WWC2: variants seen among roughly 807,000 people sequenced by gnomAD.
WWC2 encodes the protein WW and C2 domain containing 2, also known as protein WWC2.
In WWC2, 101 loss-of-function variants were observed where a neutral mutation model predicts 138.5. That is an observed-to-expected ratio of 0.73 (90% CI 0.62 to 0.86). WWC2 has a LOEUF of 0.86. Ranked by LOEUF, WWC2 falls within the 40% of genes least tolerant of loss-of-function variation. The pLI is 0.00. For synonymous variants in WWC2, 558 were observed against 538.4 expected (o/e 1.04, Z -0.50); for missense variants, 1,420 against 1,419.4 (o/e 1.00, Z -0.01).
At chr4:183,168,547 G>A (rs1230046809) in intron 1 of WWC2, among the ~76,000 whole-genome samples, 1 of 152,090 alleles carries the variant, frequency 6.6e-6, no homozygotes, top group Admixed American at 6.5e-5. Context: ...GGTTTCTTGT[G>A]CAGCGGGTAT....
In WWC2 at chr4:183,147,270, A is replaced by G. The variant is rs138327789; in HGVS notation, c.132-46329A>G. ...TTTACTTCTCACAGACATAAAAGTCATACTATCTCTATTTTCTATGAGGCT... is the reference window on the plus strand; with the variant it reads ...TTTACTTCTCACAGACATAAAAGTCGTACTATCTCTATTTTCTATGAGGCT... On this transcript the variant is annotated intron_variant, in intron 1 of 22. Coordinates refer to ENST00000403733, the MANE Select transcript of WWC2 (RefSeq NM_024949.6). Among the ~76,000 whole-genome samples the G allele has an allele frequency of 4.7e-4, 72 of 152,382 alleles. 1 individual carries two copies. The East Asian group carries it at 0.01, about 21-fold the overall frequency.
At chr4:183,193,419 CA>C in intron 1 of WWC2, among the ~76,000 whole-genome samples, 179 bp from the exon 2 acceptor site, 1 of 152,102 alleles carries the variant, frequency 6.6e-6, no homozygotes, top group East Asian at 1.9e-4. Context: ...AGTGAACTTT[CA>C]AAAGGGTATT....
At chr4:183,113,595 A>G (rs1466986772) in intron 1 of WWC2, among the ~76,000 whole-genome samples, 1 of 151,624 alleles carries the variant, frequency 6.6e-6, no homozygotes, top group Non-Finnish European at 1.5e-5. Context: ...ACAGAGCCTC[A>G]GTATGTTGCC....
intron 6 of WWC2, among the ~76,000 whole-genome samples, chr4:183,247,712 CTATA>C (rs1165487239): frequency 7.7e-6 from 1 of 129,262 alleles, no homozygotes; most frequent in Non-Finnish European, 1.6e-5. Context: ...ACTATATGTA[CTATA>C]TATACTATAT....
chr4:183,128,254 G>T (rs1466631893), intron 1 of WWC2, among the ~76,000 whole-genome samples: 3 of 152,136 alleles, frequency 2.0e-5, no homozygotes, highest in Non-Finnish European at 2.9e-5. Flanking sequence ...CAGAAGAATT[G>T]CTTGAACTTG....
At chr4:183,237,121 AAGCC>A (rs1736451680) in intron 4 of WWC2, among the ~76,000 whole-genome samples, 1 of 152,234 alleles carries the variant, frequency 6.6e-6, no homozygotes, top group Admixed American at 6.5e-5. Flanking sequence ...GCTGCATTCA[AAGCC>A]ATCGTGAGTT....
At chr4:183,202,448 G>A (rs916016811) in intron 2 of WWC2, among the ~76,000 whole-genome samples, 4 of 152,028 alleles carry the variant, frequency 2.6e-5, no homozygotes, top group Non-Finnish European at 4.4e-5. Flanking sequence ...CTGACAAATG[G>A]AAAGTGCAAC....
At chr4:183,102,621 T>G (rs999331799) in intron 1 of WWC2, among the ~76,000 whole-genome samples, 1 of 152,238 alleles carries the variant, frequency 6.6e-6, no homozygotes, top group Admixed American at 6.5e-5. Flanking sequence ...GGTCTTTGGG[T>G]GGAGTGCACA....
intron 1 of WWC2, among the ~76,000 whole-genome samples, chr4:183,105,230 C>T: frequency 6.6e-6 from 1 of 152,180 alleles, no homozygotes; most frequent in East Asian, 1.9e-4. Context: ...AATCCCTAAG[C>T]TTCATCTACA....
rs973150602 is a variant in WWC2, at chr4:183,316,811, G to A, written c.*1082G>A. The A allele has an allele frequency of 2.6e-5, 4 of 152,246 alleles. No individual in the cohort carries two copies. Among genetic ancestry groups the A allele is most frequent in the Non-Finnish European group, 5.9e-5 (4 of 68,026 alleles). The allele number at this position is 152,246 out of a possible 1,614,324, so 9.4% of individuals were successfully genotyped here. The stretch of plus-strand genomic sequence containing the variant: ...TAGGGGGTTCTATCTATAATTTATG[G>A]TAAATAGTTGGGAGGCAAAGGGAAG... On this transcript the variant is annotated 3_prime_UTR_variant, in exon 23 of 23. Transcript: ENST00000403733.
In WWC2 at chr4:183,099,569, C is replaced by T. The variant is rs1012690237; in HGVS notation, c.78C>T (p.Val26=). 23 of 1,417,880 alleles carry T rather than the reference C, an allele frequency of 1.6e-5. 1 individual carries two copies. Among genetic ancestry groups the T allele is most frequent in the Admixed American group, 1.2e-4 (5 of 42,946 alleles). The allele number at this position is 1,417,880 out of a possible 1,614,324, so 87.8% of individuals were successfully genotyped here. A position where few individuals can be genotyped will look rare whatever the true frequency, so the allele number is the denominator to read the frequency against. ...WEEARDYDGK[V]FYIDHNTRRT... ...AGGCCAGGGACTACGACGGCAAGGTCTTCTACATTGACCACAACACCAGGA... is the reference window on the plus strand; with the variant it reads ...AGGCCAGGGACTACGACGGCAAGGTTTTCTACATTGACCACAACACCAGGA... Residue 26 remains valine (V), a synonymous_variant, in exon 1 of 23, where the codon GTC becomes GTT. Coordinates refer to ENST00000403733, the MANE Select transcript of WWC2 (RefSeq NM_024949.6).
chr4:183,251,078 G>A (rs570019596), intron 8 of WWC2, among the ~76,000 whole-genome samples: 28 of 152,268 alleles, frequency 1.8e-4, no homozygotes, highest in African/African-American at 4.6e-4. Context: ...TCACTTAGGC[G>A]ATCTGAACAG....
At chr4:183,241,446 G>A (rs1237778018) in intron 5 of WWC2, among the ~76,000 whole-genome samples, 1 of 152,166 alleles carries the variant, frequency 6.6e-6, no homozygotes, top group Non-Finnish European at 1.5e-5. Flanking sequence ...CCAGTCAGAC[G>A]CATGACTTTA....
chr4:183,110,595 A>G (rs1044109253), intron 1 of WWC2, among the ~76,000 whole-genome samples: 5 of 152,188 alleles, frequency 3.3e-5, no homozygotes, highest in Non-Finnish European at 5.9e-5. Context: ...CCTGTAGCTC[A>G]TGAGGAATTA....
chr4:183,267,928 T>A (rs951191812), intron 14 of WWC2, among the ~76,000 whole-genome samples: 5 of 152,182 alleles, frequency 3.3e-5, no homozygotes, highest in Non-Finnish European at 5.9e-5. Context: ...CCTCAAAAGT[T>A]ATTTTTTGAT....
chr4:183,234,168 A>C (rs1416631873), intron 4 of WWC2, among the ~76,000 whole-genome samples: 1 of 152,164 alleles, frequency 6.6e-6, no homozygotes. Context: ...GAAGCTCTGG[A>C]TTTTCAGTCC....
intron 1 of WWC2, among the ~76,000 whole-genome samples, chr4:183,104,046 A>T (rs1386312405): frequency 7.2e-6 from 1 of 139,234 alleles, no homozygotes; most frequent in Admixed American, 7.2e-5. Flanking sequence ...TGCAGCCTCC[A>T]CCTCCTGGGT....
chr4:183,300,774 C>A (rs1580165115), intron 21 of WWC2, among the ~76,000 whole-genome samples: 1 of 151,566 alleles, frequency 6.6e-6, no homozygotes, highest in Non-Finnish European at 1.5e-5. Flanking sequence ...AAAACAAAGC[C>A]AAGTTTCAAA....
intron 21 of WWC2, among the ~76,000 whole-genome samples, chr4:183,298,451 A>G (rs1279546673): frequency 6.6e-6 from 1 of 152,180 alleles, no homozygotes; most frequent in East Asian, 1.9e-4. Flanking sequence ...TCCAAGTGAA[A>G]AGAGACTATA....
Sources: gnomAD v4.1 joint callset for allele counts (sites outside exome capture counted in the v4.1 genomes callset) on GRCh38, gnomAD v4.1.1 for gene constraint, MANE v1.5 for transcripts, NCBI Gene and HGNC (gene_info 2026-07-23, HGNC 2026-07-21) for gene names.